Variants in DLG2 observed in about 807,000 individuals in gnomAD.
The protein encoded by DLG2 is disks large homolog 2.
Under a neutral mutation model 132.5 loss-of-function variants are expected in DLG2, and 45 were observed. That is an observed-to-expected ratio of 0.34 (90% CI 0.27 to 0.44). DLG2 has a LOEUF of 0.44. DLG2 is among the 20% of genes least tolerant of loss of function. The probability of loss-of-function intolerance (pLI) is 1.00; values close to 1 mark genes in which losing one functional copy is unlikely to be tolerated. For synonymous variants in DLG2, 424 were observed against 419.6 expected (o/e 1.01, Z -0.13); for missense variants, 1,045 against 1,196.9 (o/e 0.87, Z 1.87).
At chr11:84,828,203 A>G (rs552920255) in intron 6 of DLG2, among the ~76,000 whole-genome samples, 1 of 151,882 alleles carries the variant, frequency 6.6e-6, no homozygotes, top group East Asian at 2.0e-4. Flanking sequence ...TCATTAGGTA[A>G]AACAGACAGG....
intron 6 of DLG2, among the ~76,000 whole-genome samples, chr11:84,573,012 T>C (rs1461398221): frequency 1.3e-5 from 2 of 152,164 alleles, no homozygotes; most frequent in South Asian, 4.1e-4. Flanking sequence ...TAAGAAATAG[T>C]ACAAGCTAAC....
rs550991494 is a variant in DLG2 at position 84,154,625 on chromosome 11, T to A, written c.624+8836A>T. 3.3e-3 allele frequency among the ~76,000 whole-genome samples: 500 copies of A among 152,274 alleles called. 4 individuals are homozygous for A. Among genetic ancestry groups the A allele is most frequent in the African/African-American group, 0.012 (488 of 41,544 alleles). ...TAACTCGTCATTTACATTAGGTATA[T>A]CTCCTAATGCTATCCCTCCCCCCTT... On this transcript the variant is annotated intron_variant, in intron 9 of 27. Coordinates refer to ENST00000376104, the MANE Select transcript of DLG2 (RefSeq NM_001142699.3).
At chr11:84,667,469 T>G (rs1268967043) in intron 6 of DLG2, among the ~76,000 whole-genome samples, 1 of 133,916 alleles carries the variant, frequency 7.5e-6, no homozygotes, top group Non-Finnish European at 1.6e-5. Flanking sequence ...TTGATTCAAG[T>G]TTTTTTTTGT....
chr11:85,462,416 G>C (rs1210880660), intron 3 of DLG2, among the ~76,000 whole-genome samples: 1 of 152,188 alleles, frequency 6.6e-6, no homozygotes, highest in Non-Finnish European at 1.5e-5. Flanking sequence ...GTCCGACAAT[G>C]ATAGACTGGA....
At chr11:83,561,496 T>G (rs1032461384) in intron 19 of DLG2, among the ~76,000 whole-genome samples, 1 of 152,236 alleles carries the variant, frequency 6.6e-6, no homozygotes, top group Non-Finnish European at 1.5e-5. Flanking sequence ...CTGTAAGTTC[T>G]GCAAGTGAAG....
chr11:84,425,100 G>A (rs1302108657), intron 7 of DLG2, among the ~76,000 whole-genome samples: 2 of 152,038 alleles, frequency 1.3e-5, no homozygotes, highest in Non-Finnish European at 2.9e-5. Context: ...ATCATTGTAA[G>A]TCCCAGCACA....
At chr11:84,114,692 A>G (rs528516750) in intron 9 of DLG2, among the ~76,000 whole-genome samples, 2 of 152,140 alleles carry the variant, frequency 1.3e-5, no homozygotes, top group South Asian at 4.2e-4. Context: ...ATGACTTCAC[A>G]TTCTTTTTCT....
intron 8 of DLG2, among the ~76,000 whole-genome samples, chr11:84,208,080 C>A (rs2096698788): frequency 6.6e-6 from 1 of 152,174 alleles, no homozygotes; most frequent in Non-Finnish European, 1.5e-5. Flanking sequence ...TCTGCTTCAA[C>A]ATATCTCACC....
At chr11:84,506,375 C>A (rs2099241120) in intron 7 of DLG2, among the ~76,000 whole-genome samples, 3 of 151,228 alleles carry the variant, frequency 2.0e-5, no homozygotes, top group Admixed American at 2.0e-4. Context: ...GCGCCCGGCC[C>A]TCAGTTCTTA....
chr11:84,567,111 G>A (rs1312171708), intron 6 of DLG2, among the ~76,000 whole-genome samples: 3 of 152,070 alleles, frequency 2.0e-5, no homozygotes, highest in East Asian at 3.9e-4. Flanking sequence ...AATAAACAGG[G>A]TGAAAGTCTT....
intron 7 of DLG2, among the ~76,000 whole-genome samples, chr11:84,525,301 C>G (rs1283577804): frequency 3.3e-5 from 5 of 152,126 alleles, no homozygotes; most frequent in African/African-American, 9.7e-5. Context: ...CCAACATAAA[C>G]TCAGAAATTA....
intron 20 of DLG2, among the ~76,000 whole-genome samples, chr11:83,536,230 C>T (rs529925911): frequency 1.1e-4 from 16 of 152,260 alleles, no homozygotes; most frequent in African/African-American, 3.9e-4. Flanking sequence ...AGCATACAAT[C>T]GAGTTAGTAG....
intron 8 of DLG2, among the ~76,000 whole-genome samples, chr11:84,180,944 A>G (rs1207600469): frequency 6.6e-6 from 1 of 152,054 alleles, no homozygotes; most frequent in Non-Finnish European, 1.5e-5. Context: ...AAGAAAAATC[A>G]TAAAGGTCAG....
chr11:83,465,473 G>A (rs1310269001), intron 26 of DLG2, among the ~76,000 whole-genome samples: 2 of 152,094 alleles, frequency 1.3e-5, no homozygotes, highest in East Asian at 3.9e-4. Context: ...GTTCACTCCT[G>A]AACCCTGTCA....
intron 26 of DLG2, among the ~76,000 whole-genome samples, chr11:83,465,655 A>T (rs2090888902): frequency 6.6e-6 from 1 of 152,182 alleles, no homozygotes; most frequent in Non-Finnish European, 1.5e-5. Flanking sequence ...TTTTACAATA[A>T]TAATAGGTAT....
chr11:84,324,944 T>G (rs183983514), intron 7 of DLG2, among the ~76,000 whole-genome samples: 2 of 152,158 alleles, frequency 1.3e-5, no homozygotes. Flanking sequence ...ATTTTCTACC[T>G]ATAAGATCAT....
intron 3 of DLG2, among the ~76,000 whole-genome samples, chr11:85,450,736 T>C (rs2092209119): frequency 6.6e-6 from 1 of 152,198 alleles, no homozygotes; most frequent in South Asian, 2.1e-4. Flanking sequence ...AAAACTTAGC[T>C]ATAATTTTCT....
At chr11:83,924,473 G>A (rs1203550642) in intron 15 of DLG2, among the ~76,000 whole-genome samples, 3 of 152,208 alleles carry the variant, frequency 2.0e-5, no homozygotes, top group East Asian at 3.9e-4. Flanking sequence ...TCTCTGAGAA[G>A]TAAATTTTGA....
chr11:83,776,069 G>A (rs955183606), intron 18 of DLG2, among the ~76,000 whole-genome samples: 1 of 152,020 alleles, frequency 6.6e-6, no homozygotes, highest in African/African-American at 2.4e-5. Context: ...TCCAGCCTGG[G>A]TGACAGAGCG....
Sources: gnomAD v4.1 joint callset for allele counts (sites outside exome capture counted in the v4.1 genomes callset) on GRCh38, gnomAD v4.1.1 for gene constraint, MANE v1.5 for transcripts, NCBI Gene and HGNC (gene_info 2026-07-23, HGNC 2026-07-21) for gene names.